Variants in ANO3 observed in about 807,000 individuals in gnomAD.
ANO3 encodes the protein anoctamin-3.
Under a neutral mutation model 144.8 loss-of-function variants are expected in ANO3, and 99 were observed. The observed-to-expected ratio is 0.68, with a 90% confidence interval of 0.58 to 0.81. ANO3 has a LOEUF of 0.81. Among genes scored for constraint, ANO3 ranks in the 30% least tolerant of loss-of-function variants. The probability of loss-of-function intolerance (pLI) is 0.00; values close to 1 mark genes in which losing one functional copy is unlikely to be tolerated. For synonymous variants in ANO3, 414 were observed against 392.6 expected, an observed-to-expected ratio of 1.05 and a Z score of -0.64; for missense variants, 905 against 1,202.2, an observed-to-expected ratio of 0.75 and a Z score of 3.66.
chr11:26,431,782 CATTTT>C (rs1436466626), intron 1 of ANO3, among the ~76,000 whole-genome samples: 8 of 152,116 alleles, frequency 5.3e-5, no homozygotes, highest in African/African-American at 1.4e-4. Flanking sequence ...CCACATTTTA[CATTTT>C]ATTTATCCAG....
At chr11:26,397,526 G>T (rs1273546590) in intron 1 of ANO3, among the ~76,000 whole-genome samples, 1 of 152,002 alleles carries the variant, frequency 6.6e-6, no homozygotes, top group Non-Finnish European at 1.5e-5. Flanking sequence ...ATCTTTGAAA[G>T]AATGTCACAA....
intron 1 of ANO3, among the ~76,000 whole-genome samples, chr11:26,255,630 G>A (rs555667199): frequency 6.6e-6 from 1 of 152,236 alleles, no homozygotes; most frequent in East Asian, 1.9e-4. Context: ...TGGGAGGGGG[G>A]TTTTGGTCTC....
chr11:26,470,427 A>C (rs1201118746), intron 4 of ANO3, among the ~76,000 whole-genome samples: 1 of 147,648 alleles, frequency 6.8e-6, no homozygotes, highest in Admixed American at 6.7e-5. Flanking sequence ...AAAAAAAAAC[A>C]GAAAAAAAAA....
intron 14 of ANO3, among the ~76,000 whole-genome samples, chr11:26,581,244 T>G (rs1851119904): frequency 6.6e-6 from 1 of 151,884 alleles, no homozygotes; most frequent in Non-Finnish European, 1.5e-5. Flanking sequence ...TAGCACAAAC[T>G]CAAGGACATT....
chr11:26,232,560 A>T (rs35753453), intron 1 of ANO3, among the ~76,000 whole-genome samples: 54,882 of 152,018 alleles, frequency 0.36, 11,034 homozygotes, highest in Non-Finnish European at 0.44. Flanking sequence ...TAAATGATGC[A>T]GGGAAAACTG....
At chr11:26,209,323 C>G (rs565322293) in intron 1 of ANO3, among the ~76,000 whole-genome samples, 2 of 152,186 alleles carry the variant, frequency 1.3e-5, no homozygotes, top group Non-Finnish European at 2.9e-5. Context: ...AAGACATGAA[C>G]TCATCTTTTT....
chr11:26,476,210 G>T lies in ANO3; in HGVS notation c.432+13062G>T, dbSNP rs952897496. On this transcript the variant is annotated intron_variant, in intron 4 of 26. Transcript: ENST00000256737. ...TAGGCAAAATCCCTAAGTGTGCAAAGCTTGTAGTCTAGTGGAGGAATAAGA... is the reference window on the plus strand; with the variant it reads ...TAGGCAAAATCCCTAAGTGTGCAAATCTTGTAGTCTAGTGGAGGAATAAGA... 2.6e-5 allele frequency among the ~76,000 whole-genome samples: 4 copies of T among 152,226 alleles called. No homozygotes were observed. In the East Asian group the frequency reaches 5.8e-4, roughly 22 times the overall value.
At chr11:26,247,828 A>G (rs1475724213) in intron 1 of ANO3, among the ~76,000 whole-genome samples, 2 of 145,850 alleles carry the variant, frequency 1.4e-5, no homozygotes, top group African/African-American at 5.1e-5. Context: ...TCCCAGGTTC[A>G]AGTGATTCTC....
At chr11:26,643,368 C>CA in intron 23 of ANO3, 34 bp downstream of exon 23, 1 of 1,611,602 alleles carries the variant, frequency 6.2e-7, no homozygotes, top group East Asian at 2.2e-5. Context: ...TTTTACGTTG[C>CA]TAACACCAAT....
intron 1 of ANO3, among the ~76,000 whole-genome samples, chr11:26,333,430 C>A (rs529385742): frequency 2.6e-5 from 4 of 151,986 alleles, no homozygotes; most frequent in African/African-American, 9.6e-5. Context: ...TACAGGCGCC[C>A]GCCACCAAGC....
chr11:26,380,632 C>T (rs1856564312), intron 1 of ANO3, among the ~76,000 whole-genome samples: 1 of 152,094 alleles, frequency 6.6e-6, no homozygotes, highest in African/African-American at 2.4e-5. Flanking sequence ...ATACCATTGC[C>T]TTTGGGATTA....
intron 1 of ANO3, among the ~76,000 whole-genome samples, chr11:26,244,857 C>T (rs891357633): frequency 1.3e-5 from 2 of 151,938 alleles, no homozygotes; most frequent in South Asian, 2.1e-4. Context: ...CCCAATTGTC[C>T]TGATAATTTT....
chr11:26,409,127 TAAA>T (rs11291107), intron 1 of ANO3, among the ~76,000 whole-genome samples: 126 of 147,408 alleles, frequency 8.5e-4, no homozygotes, highest in Middle Eastern at 3.5e-3. Context: ...TTAAGTACAA[TAAA>T]AAAAAAAAAA....
chr11:26,501,580 A>G (rs1477054469), intron 4 of ANO3, among the ~76,000 whole-genome samples: 1 of 152,132 alleles, frequency 6.6e-6, no homozygotes. Flanking sequence ...GGAATCAGTA[A>G]TCAAGAATAT....
chr11:26,536,302 G>T (rs945438060), intron 9 of ANO3, among the ~76,000 whole-genome samples: 2 of 146,922 alleles, frequency 1.4e-5, no homozygotes, highest in Admixed American at 6.9e-5. Flanking sequence ...CTGGGTGGCA[G>T]AGTTAGACTC....
At chr11:26,559,199 G>A (rs2134242991) in intron 13 of ANO3, 2 of 152,364 alleles carry the variant, frequency 1.3e-5, no homozygotes, top group Middle Eastern at 3.4e-3. Context: ...AACAAATTAA[G>A]ATGGGATTTA....
At chr11:26,275,679 C>A (rs1853543483) in intron 1 of ANO3, among the ~76,000 whole-genome samples, 1 of 152,080 alleles carries the variant, frequency 6.6e-6, no homozygotes, top group Non-Finnish European at 1.5e-5. Context: ...GAGGTCAGAT[C>A]TCAGGACATA....
chr11:26,618,916 G>T (rs957250441), intron 17 of ANO3, among the ~76,000 whole-genome samples: 1 of 151,948 alleles, frequency 6.6e-6, no homozygotes, highest in Non-Finnish European at 1.5e-5. Context: ...ATTGAATTTT[G>T]TGCTTATTCT....
At chr11:26,274,888 T>C (rs1853523919) in intron 1 of ANO3, among the ~76,000 whole-genome samples, 1 of 151,964 alleles carries the variant, frequency 6.6e-6, no homozygotes, top group African/African-American at 2.4e-5. Context: ...CAACAAAGCA[T>C]GAGCATGGTT....
Sources: allele counts gnomAD v4.1 joint callset (sites outside exome capture counted in the v4.1 genomes callset), GRCh38; gene constraint gnomAD v4.1.1; transcripts MANE v1.5; gene names NCBI Gene and HGNC (gene_info 2026-07-23, HGNC 2026-07-21).